The following ATP23 variants were observed in gnomAD, a reference collection of about 807,000 sequenced individuals.
ATP23 encodes ATP23 metallopeptidase and ATP synthase assembly factor homolog.
Under a neutral mutation model 28.5 loss-of-function variants are expected in ATP23, and 24 were observed. That is an observed-to-expected ratio of 0.84 (90% CI 0.61 to 1.18). ATP23 has a LOEUF of 1.18. Ranked by LOEUF, ATP23 falls within the 50% of genes most tolerant of loss-of-function variation. ATP23 has a pLI of 0.00. For synonymous variants in ATP23, 99 were observed against 108.6 expected (o/e 0.91, Z 0.55); for missense variants, 274 against 306.4 (o/e 0.89, Z 0.79).
chr12:57,943,001 C>G (rs867459665), intron 1 of ATP23, among the ~76,000 whole-genome samples: 1 of 152,138 alleles, frequency 6.6e-6, no homozygotes, highest in African/African-American at 2.4e-5. Flanking sequence ...CATAGCTAGT[C>G]AGTCACAGTT....
intron 1 of ATP23, 111 bp from the exon 2 acceptor site, chr12:57,945,517 C>T: frequency 1.2e-6 from 1 of 866,846 alleles, no homozygotes; most frequent in Non-Finnish European, 1.9e-6. Flanking sequence ...CAGGCATGAG[C>T]CACTGCATCT....
At chr12:57,956,350 A>G (rs1304521010) in intron 5 of ATP23, among the ~76,000 whole-genome samples, 1 of 151,434 alleles carries the variant, frequency 6.6e-6, no homozygotes, top group Non-Finnish European at 1.5e-5. Flanking sequence ...AGGACTTTAT[A>G]GACTTTTTTT....
Position 57,941,619 on chromosome 12 carries a change from G to C in ATP23, c.-83G>C, listed in dbSNP as rs1224302996. 6 of 1,510,318 alleles carry C rather than the reference G, an allele frequency of 4.0e-6. No individual in the cohort carries two copies. The highest frequency in any genetic ancestry group is 5.3e-6 in the Non-Finnish European group (6 of 1,132,234). The allele number at this position is 1,510,318 out of a possible 1,614,324, so 93.6% of individuals were successfully genotyped here. A position where few individuals can be genotyped will look rare whatever the true frequency, so the allele number is the denominator to read the frequency against. ...GCGGAGGGAGGGCCTGGGCGGTCGC[G>C]TTGGCGGGAGGGAGGTTACCTTTCC... is the stretch of plus-strand genomic sequence containing the variant. On this transcript the variant is annotated 5_prime_UTR_variant, in exon 1 of 6. Coordinates refer to ENST00000300145, the MANE Select transcript of ATP23 (RefSeq NM_033276.4).
chr12:57,949,303 T>C (rs1956793391), intron 3 of ATP23, among the ~76,000 whole-genome samples: 1 of 152,122 alleles, frequency 6.6e-6, no homozygotes, highest in Non-Finnish European at 1.5e-5. Context: ...CTTCCTCTAC[T>C]AGCATTTAAA....
intron 5 of ATP23, among the ~76,000 whole-genome samples, chr12:57,954,048 A>G (rs1956841825): frequency 6.6e-6 from 1 of 152,004 alleles, no homozygotes; most frequent in African/African-American, 2.4e-5. Context: ...CAAAAAAATT[A>G]GCTGGGCGTA....
Position 57,956,714 on chromosome 12 carries a change from T to C in ATP23, c.565T>C (p.Ser189Pro). 6.2e-7 allele frequency: 1 copy of C among 1,613,778 alleles called. No individual in the cohort carries two copies. Among genetic ancestry groups the C allele is most frequent in the Non-Finnish European group, 8.5e-7 (1 of 1,179,866 alleles). ...TTGTGTGCGAGACAGAGCCACTCTT[T>C]CTATCCTGGCTGTTAGGAATATCAG... ...QTCVRDRATLSILAVRNISKE... is the reference protein window; with the variant it reads ...QTCVRDRATLPILAVRNISKE... The change falls in exon 6 of 6, where the codon TCT becomes CCT. Residue 189 changes from serine to proline, a missense_variant. Coordinates refer to ENST00000300145, the MANE Select transcript of ATP23 (RefSeq NM_033276.4).
intron 5 of ATP23, among the ~76,000 whole-genome samples, chr12:57,954,389 G>T (rs767077518): frequency 6.6e-6 from 1 of 152,076 alleles, no homozygotes; most frequent in Non-Finnish European, 1.5e-5. Context: ...GTGTGTTGCT[G>T]CACAAGTTAT....
In ATP23 at chr12:57,941,667, G is replaced by T. The variant is rs1956703120; in HGVS notation, c.-35G>T. 1.9e-6 allele frequency: 3 copies of T among 1,595,122 alleles called. No individual in the cohort carries two copies. The highest frequency in any genetic ancestry group is 2.6e-6 in the Non-Finnish European group (3 of 1,172,018). On this transcript the variant is annotated 5_prime_UTR_variant, in exon 1 of 6. Coordinates refer to ENST00000300145, the MANE Select transcript of ATP23 (RefSeq NM_033276.4). ...TCCCAGTCTCGCTCTGGCCGCCTGA[G>T]CCAGGAGGAAGCAGCGGCGAGGTCT... is the stretch of plus-strand genomic sequence containing the variant.
chr12:57,944,575 TAC>T (rs1956741639), intron 1 of ATP23, among the ~76,000 whole-genome samples: 1 of 152,266 alleles, frequency 6.6e-6, no homozygotes, highest in Non-Finnish European at 1.5e-5. Context: ...TCTCCTGGAA[TAC>T]AGTTACCTGT....
chr12:57,945,559 C>T, intron 1 of ATP23, 69 bp from the exon 2 acceptor site: 3 of 1,328,254 alleles, frequency 2.3e-6, no homozygotes, highest in Non-Finnish European at 2.2e-6. Flanking sequence ...TAATATCTTA[C>T]ACTGCTATTT....
rs1024749845 is a variant in ATP23, at chr12:57,951,777, A to C, written c.335A>C (p.Asn112Thr). 3 of 1,614,114 alleles carry C rather than the reference A, an allele frequency of 1.9e-6. No homozygotes were observed. The highest frequency in any genetic ancestry group is 2.5e-6 in the Non-Finnish European group (3 of 1,179,998). The change falls in exon 4 of 6, where the codon AAT (asparagine) becomes ACT (threonine). Residue 112 changes from asparagine (N) to threonine (T), a missense_variant. Coordinates refer to ENST00000300145, the MANE Select transcript of ATP23 (RefSeq NM_033276.4). Reference protein sequence around the residue: ...STSQIVLCQNNIHNQAHMNRV... With the variant: ...STSQIVLCQNTIHNQAHMNRV... ...TCCTAGATAGTTTTGTGCCAGAATA[A>C]TATCCATAATCAGGCCCATATGAAC...
At chr12:57,953,322 T>G (rs1956832144) in intron 4 of ATP23, among the ~76,000 whole-genome samples, 1 of 152,204 alleles carries the variant, frequency 6.6e-6, no homozygotes, top group Non-Finnish European at 1.5e-5. Context: ...ATTAGTTCTG[T>G]CAGTAAAGCT....
At chr12:57,954,015 A>G (rs1956841502) in intron 5 of ATP23, among the ~76,000 whole-genome samples, 1 of 151,978 alleles carries the variant, frequency 6.6e-6, no homozygotes, top group Non-Finnish European at 1.5e-5. Flanking sequence ...CAACATGGTG[A>G]AACCCCGTGT....
chr12:57,948,844 G>C (rs917238795), intron 3 of ATP23, among the ~76,000 whole-genome samples: 1 of 152,106 alleles, frequency 6.6e-6, no homozygotes, highest in Non-Finnish European at 1.5e-5. Flanking sequence ...CAATCCAACA[G>C]TGTGTTATTT....
chr12:57,951,119 G>A (rs1036544205), intron 3 of ATP23, among the ~76,000 whole-genome samples: 4 of 152,148 alleles, frequency 2.6e-5, no homozygotes, highest in African/African-American at 9.7e-5. Flanking sequence ...GTGCTGTTGT[G>A]TTTTGCACTT....
At chr12:57,944,423 A>G (rs536142057) in intron 1 of ATP23, among the ~76,000 whole-genome samples, 1 of 152,284 alleles carries the variant, frequency 6.6e-6, no homozygotes, top group East Asian at 1.9e-4. Context: ...TATCAGAGGC[A>G]TTTGGGCTCC....
chr12:57,954,489 G>C (rs1422484948), intron 5 of ATP23, among the ~76,000 whole-genome samples: 6 of 152,296 alleles, frequency 3.9e-5, no homozygotes, highest in African/African-American at 1.4e-4. Flanking sequence ...GCTTAGCTGA[G>C]AGGGATTTGT....
chr12:57,942,721 C>G (rs1956719171), intron 1 of ATP23, among the ~76,000 whole-genome samples: 1 of 152,102 alleles, frequency 6.6e-6, no homozygotes, highest in Non-Finnish European at 1.5e-5. Flanking sequence ...CTGCGCCCGG[C>G]CCAAAGTGTA....
chr12:57,951,667 G>C, intron 3 of ATP23, 91 bp from the exon 4 acceptor site: 1 of 1,417,164 alleles, frequency 7.1e-7, no homozygotes. Flanking sequence ...TGAGCTTGTG[G>C]GGGAGAGGTG....
Sources: allele counts gnomAD v4.1 joint callset (sites outside exome capture counted in the v4.1 genomes callset), GRCh38; gene constraint gnomAD v4.1.1; transcripts MANE v1.5; gene names NCBI Gene and HGNC (gene_info 2026-07-23, HGNC 2026-07-21).